RERE: variants seen among roughly 807,000 people sequenced by gnomAD.
The protein encoded by RERE is arginine-glutamic acid dipeptide repeats protein.
A neutral mutation model predicts 146.1 loss-of-function variants in RERE; 40 were observed. That is an observed-to-expected ratio of 0.27 (90% CI 0.21 to 0.36). The LOEUF (loss-of-function observed/expected upper bound fraction) is 0.36, where lower values mean the gene tolerates loss of function less well. Ranked by LOEUF, RERE falls within the 10% of genes least tolerant of loss-of-function variation. The probability of loss-of-function intolerance (pLI) is 1.00; values close to 1 mark genes in which losing one functional copy is unlikely to be tolerated. For synonymous variants in RERE, 1,003 were observed against 866.0 expected (o/e 1.16, Z -2.78); for missense variants, 1,933 against 2,138.7 (o/e 0.90, Z 1.90).
At chr1:8,800,897 G>A (rs528251052) in intron 1 of RERE, among the ~76,000 whole-genome samples, 5 of 152,082 alleles carry the variant, frequency 3.3e-5, no homozygotes, top group African/African-American at 4.8e-5. Context: ...TTTGGGAGCC[G>A]CAGGTTGCAG....
chr1:8,453,259 A>G (rs1644409684), intron 11 of RERE, among the ~76,000 whole-genome samples: 1 of 152,158 alleles, frequency 6.6e-6, no homozygotes, highest in Non-Finnish European at 1.5e-5. Flanking sequence ...TGTTATTGCT[A>G]AAGGACTGGA....
chr1:8,488,341 G>GT (rs919641790), intron 10 of RERE, among the ~76,000 whole-genome samples: 1 of 152,074 alleles, frequency 6.6e-6, no homozygotes, highest in African/African-American at 2.4e-5. Flanking sequence ...CGCCTCCCGG[G>GT]TTCAAGTGAT....
chr1:8,634,072 CTTTTCAT>C (rs975295057), intron 2 of RERE, among the ~76,000 whole-genome samples: 1 of 152,174 alleles, frequency 6.6e-6, no homozygotes, highest in African/African-American at 2.4e-5. Context: ...CAGAGACACC[CTTTTCAT>C]TCAGCAAGCA....
At chr1:8,699,086 TGAG>T (rs1397940309) in intron 1 of RERE, among the ~76,000 whole-genome samples, 2 of 152,214 alleles carry the variant, frequency 1.3e-5, no homozygotes, top group Non-Finnish European at 2.9e-5. Flanking sequence ...ATAAATGCTA[TGAG>T]AACAGAGACT....
chr1:8,804,354 AG>A (rs1161135228), intron 1 of RERE, among the ~76,000 whole-genome samples: 1 of 152,158 alleles, frequency 6.6e-6, no homozygotes, highest in Non-Finnish European at 1.5e-5. Context: ...ACTGAACTGG[AG>A]GTGGGGGGTT....
chr1:8,410,008 CG>C (rs965938590), intron 12 of RERE, among the ~76,000 whole-genome samples: 11 of 130,620 alleles, frequency 8.4e-5, no homozygotes, highest in Admixed American at 5.9e-4. Flanking sequence ...TTACTAAATC[CG>C]AACATTAATG....
At chr1:8,463,828 T>C (rs1292127938) in intron 11 of RERE, among the ~76,000 whole-genome samples, 4 of 152,170 alleles carry the variant, frequency 2.6e-5, no homozygotes, top group Non-Finnish European at 4.4e-5. Context: ...GAAGCAGCCA[T>C]GGATTGCAAG....
chr1:8,399,869 T>C (rs1303895084), intron 12 of RERE, among the ~76,000 whole-genome samples: 1 of 151,850 alleles, frequency 6.6e-6, no homozygotes, highest in African/African-American at 2.4e-5. Flanking sequence ...TCTTATAAAC[T>C]ATAAGTTTCT....
At chr1:8,467,840 T>A (rs1460368992) in intron 10 of RERE, among the ~76,000 whole-genome samples, 1 of 152,082 alleles carries the variant, frequency 6.6e-6, no homozygotes, top group Non-Finnish European at 1.5e-5. Context: ...GAGATGGGGT[T>A]TCATCGTGTT....
At chr1:8,695,200 G>A (rs2124426980) in intron 1 of RERE, among the ~76,000 whole-genome samples, 1 of 152,206 alleles carries the variant, frequency 6.6e-6, no homozygotes, top group Non-Finnish European at 1.5e-5. Flanking sequence ...AAATGGTGCT[G>A]GGATAGCTAG....
intron 1 of RERE, among the ~76,000 whole-genome samples, chr1:8,682,681 C>T (rs932384580): frequency 2.0e-5 from 3 of 152,150 alleles, no homozygotes; most frequent in African/African-American, 7.2e-5. Context: ...ACGAACTTCT[C>T]TATACCTAGA....
intron 11 of RERE, among the ~76,000 whole-genome samples, chr1:8,448,358 T>C (rs1160087431): frequency 6.6e-6 from 1 of 152,080 alleles, no homozygotes; most frequent in Non-Finnish European, 1.5e-5. Flanking sequence ...ACTTTTGTCT[T>C]CTCAGCATAA....
At chr1:8,699,998 T>C (rs1487723600) in intron 1 of RERE, among the ~76,000 whole-genome samples, 2 of 152,206 alleles carry the variant, frequency 1.3e-5, no homozygotes, top group South Asian at 2.1e-4. Context: ...CTACGACTTT[T>C]GCTCCTTTTT....
intron 4 of RERE, among the ~76,000 whole-genome samples, chr1:8,569,474 AG>A (rs1440921541): frequency 1.3e-5 from 2 of 152,216 alleles, no homozygotes; most frequent in Non-Finnish European, 2.9e-5. Context: ...TGTCAAAGAA[AG>A]GGTGGGGAAT....
intron 8 of RERE, among the ~76,000 whole-genome samples, chr1:8,503,091 TAAATAAATAAA>T (rs1200898375): frequency 1.1e-4 from 10 of 88,452 alleles, no homozygotes; most frequent in African/African-American, 5.0e-4. Flanking sequence ...CAATTAAAAA[TAAATAAATAAA>T]TAAATAAATA....
rs1641290533 is a variant in RERE at position 8,356,304 on chromosome 1, C to T, written c.4340-58G>A. The T allele has an allele frequency of 4.9e-6, 7 of 1,438,872 alleles. No homozygotes were observed. The highest frequency in any genetic ancestry group is 1.5e-5 in the African/African-American group (1 of 66,366). 89.1% of individuals were successfully genotyped at this position (1,438,872 alleles called of 1,614,324 possible). A position where few individuals can be genotyped will look rare whatever the true frequency, so the allele number is the denominator to read the frequency against. On this transcript the variant is annotated intron_variant, in intron 20 of 22. Transcript: ENST00000400908. This position sits in a 1 kb window ranked among gnomAD's most constrained non-coding sequence, Gnocchi z 5.2. ...GTGTGCAGCTCTTCAATGTTTGTCC[C>T]CCTTGGCTGGAATGACCGATGACTT...
At position 8,471,063 on chromosome 1, in the gene RERE, T is replaced by C. The variant is rs545393878; in HGVS notation, c.1105-5040A>G. Reference sequence around the variant, plus strand: ...ATCTCTTGACCTCATGATCCCCCCCTGCCTCAGCCTCCCAAAGTGTTGGGA... The same window carrying C: ...ATCTCTTGACCTCATGATCCCCCCCCGCCTCAGCCTCCCAAAGTGTTGGGA... On this transcript the variant is annotated intron_variant, in intron 10 of 22. Transcript: ENST00000400908. Among the ~76,000 whole-genome samples the C allele has an allele frequency of 7.9e-5, 12 of 152,000 alleles. No homozygotes were observed. The South Asian group carries it at 2.3e-3, about 29-fold the overall frequency.
At chr1:8,729,034 G>A (rs1205904776) in intron 1 of RERE, among the ~76,000 whole-genome samples, 7 of 151,868 alleles carry the variant, frequency 4.6e-5, no homozygotes, top group East Asian at 2.0e-4. Flanking sequence ...GCATGGTGGC[G>A]CAAGCCTGTA....
intron 4 of RERE, among the ~76,000 whole-genome samples, chr1:8,604,410 G>T (rs1646672385): frequency 6.6e-6 from 1 of 152,100 alleles, no homozygotes; most frequent in African/African-American, 2.4e-5. Flanking sequence ...CGTGTTAAGA[G>T]GTAGAGGTGG....
Sources: gnomAD v4.1 joint callset for allele counts (sites outside exome capture counted in the v4.1 genomes callset) on GRCh38, gnomAD v4.1.1 for gene constraint, Gnocchi (gnomAD v3.1) non-coding constraint, MANE v1.5 for transcripts, NCBI Gene and HGNC (gene_info 2026-07-23, HGNC 2026-07-21) for gene names.